ATAD2B: variants seen among roughly 807,000 people sequenced by gnomAD.
ATAD2B encodes the protein ATPase family AAA domain-containing protein 2B.
ATAD2B carries 40 observed loss-of-function variants against 167.6 expected under a neutral mutation model. The ratio of observed to expected loss-of-function variants is 0.24; its 90% CI spans 0.19 to 0.31. The LOEUF is 0.31. Among genes scored for constraint, ATAD2B ranks in the 10% least tolerant of loss-of-function variants. The probability of loss-of-function intolerance (pLI) is 1.00; values close to 1 mark genes in which losing one functional copy is unlikely to be tolerated. For missense variants in ATAD2B, 1,242 were observed against 1,757.2 expected (o/e 0.71, Z 5.24); for synonymous variants, 579 against 596.5 (o/e 0.97, Z 0.43).
chr2:23,760,725 C>A (rs548554786), intron 24 of ATAD2B, among the ~76,000 whole-genome samples: 24 of 138,950 alleles, frequency 1.7e-4, no homozygotes, highest in African/African-American at 6.4e-4. Context: ...CACACACACA[C>A]ACACATATAC....
chr2:23,826,053 GTTC>G (rs1688203522), intron 15 of ATAD2B, among the ~76,000 whole-genome samples: 1 of 151,872 alleles, frequency 6.6e-6, no homozygotes, highest in Non-Finnish European at 1.5e-5. Context: ...TATATCTGTG[GTTC>G]TCACCTTGAT....
intron 1 of ATAD2B, among the ~76,000 whole-genome samples, chr2:23,917,094 T>C (rs914862699): frequency 6.6e-6 from 1 of 152,240 alleles, no homozygotes; most frequent in Admixed American, 6.5e-5. Context: ...TTCTATGATT[T>C]TGCAACTCAA....
chr2:23,746,639 G>T (rs539780948), downstream of ATAD2B, among the ~76,000 whole-genome samples: 1 of 152,244 alleles, frequency 6.6e-6, no homozygotes, highest in South Asian at 2.1e-4. Context: ...AAGGGTGATA[G>T]GTATGAGACA....
chr2:23,897,087 A>C (rs938616625), intron 1 of ATAD2B, among the ~76,000 whole-genome samples: 10 of 152,186 alleles, frequency 6.6e-5, no homozygotes, highest in Admixed American at 1.3e-4. Context: ...CAACCACTGC[A>C]CTCCAGACTG....
At chr2:23,693,489 C>T in the ATAD2B span, 6 of 1,551,456 alleles carry the variant, frequency 3.9e-6, no homozygotes, top group South Asian at 7.1e-5. Flanking sequence ...ACGAGACAGT[C>T]ATCAAGTGGA....
intron 13 of ATAD2B, among the ~76,000 whole-genome samples, chr2:23,834,779 G>A (rs551681418): frequency 1.4e-3 from 217 of 152,188 alleles, no homozygotes; most frequent in Admixed American, 2.1e-3. Context: ...AGGGCCAGGC[G>A]CGGTGGTGCA....
intron 13 of ATAD2B, among the ~76,000 whole-genome samples, chr2:23,843,672 T>A (rs1691293783): frequency 6.6e-6 from 1 of 152,102 alleles, no homozygotes; most frequent in South Asian, 2.1e-4. Context: ...ACAAAACTCC[T>A]CAGCTCTTCA....
chr2:23,739,055 C>T, the ATAD2B span, among the ~76,000 whole-genome samples: 10 of 152,142 alleles, frequency 6.6e-5, no homozygotes, highest in Admixed American at 2.6e-4. Flanking sequence ...TAAAGCAAGT[C>T]CTTAATGACC....
At chr2:23,912,506 C>CAA (rs111424079) in intron 1 of ATAD2B, among the ~76,000 whole-genome samples, 2 of 144,158 alleles carry the variant, frequency 1.4e-5, no homozygotes, top group Admixed American at 7.0e-5. Flanking sequence ...GACCCCATCT[C>CAA]AAAAAAAAAC....
chr2:23,755,856 C>T (rs1386336470), intron 25 of ATAD2B, among the ~76,000 whole-genome samples: 1 of 152,078 alleles, frequency 6.6e-6, no homozygotes, highest in Non-Finnish European at 1.5e-5. Flanking sequence ...AGTTCAATTA[C>T]CATATGCTAG....
intron 18 of ATAD2B, among the ~76,000 whole-genome samples, chr2:23,807,844 T>TAA (rs1344613319): frequency 0.011 from 1,504 of 131,014 alleles, 34 homozygotes; most frequent in African/African-American, 0.038. Context: ...TATATATATA[T>TAA]AATAAAATAT....
At chr2:23,909,531 T>C (rs1573397782) in intron 1 of ATAD2B, among the ~76,000 whole-genome samples, 2 of 152,096 alleles carry the variant, frequency 1.3e-5, no homozygotes, top group South Asian at 4.2e-4. Context: ...CACATGTACC[T>C]ATGGGTATAA....
At chr2:23,914,836 G>A (rs1190092982) in intron 1 of ATAD2B, among the ~76,000 whole-genome samples, 4 of 144,760 alleles carry the variant, frequency 2.8e-5, no homozygotes, top group Non-Finnish European at 6.1e-5. Context: ...GCGAGACTCC[G>A]TCTCAAAAAA....
At chr2:23,779,749 A>T (rs1679720355) in intron 22 of ATAD2B, among the ~76,000 whole-genome samples, 1 of 152,208 alleles carries the variant, frequency 6.6e-6, no homozygotes, top group Non-Finnish European at 1.5e-5. Context: ...GAAATATATT[A>T]ATTAATAAGC....
chr2:23,883,193 T>C (rs1573236048), intron 6 of ATAD2B, among the ~76,000 whole-genome samples: 1 of 150,044 alleles, frequency 6.7e-6, no homozygotes, highest in Non-Finnish European at 1.5e-5. Flanking sequence ...CATGGGAGGA[T>C]CGCTTGAGCC....
At chr2:23,868,425 CA>C (rs1456566344) in intron 9 of ATAD2B, among the ~76,000 whole-genome samples, 1 of 152,126 alleles carries the variant, frequency 6.6e-6, no homozygotes. Flanking sequence ...CTCAGCCTTC[CA>C]AATAGCTGGA....
intron 16 of ATAD2B, among the ~76,000 whole-genome samples, chr2:23,822,261 G>A (rs567740402): frequency 5.9e-5 from 9 of 152,280 alleles, no homozygotes; most frequent in South Asian, 2.1e-4. Context: ...CAGGCTGGGC[G>A]CGATGACTCA....
chr2:23,695,517 C>T, the ATAD2B span: 1 of 795,608 alleles, frequency 1.3e-6, no homozygotes, highest in Non-Finnish European at 2.0e-6. The surrounding 1 kb of genome is among the most constrained non-coding windows in gnomAD (Gnocchi z 7.6). Context: ...AAGCCTAACA[C>T]AGCCTGGAAT....
At chr2:23,691,515 T>A in the ATAD2B span, 5 of 620,134 alleles carry the variant, frequency 8.1e-6, no homozygotes, top group African/African-American at 9.2e-5. Context: ...CTCTTTCAGA[T>A]CCCGTGTCAC....
Sources: allele counts gnomAD v4.1 joint callset (sites outside exome capture counted in the v4.1 genomes callset), GRCh38; gene constraint gnomAD v4.1.1; non-coding constraint Gnocchi (gnomAD v3.1); transcripts MANE v1.5; gene names NCBI Gene and HGNC (gene_info 2026-07-23, HGNC 2026-07-21).